Variants in PRICKLE1 observed in about 807,000 individuals in gnomAD.
PRICKLE1 encodes the protein prickle planar cell polarity protein 1, also known as prickle-like protein 1.
Under a neutral mutation model 70.2 loss-of-function variants are expected in PRICKLE1, and 14 were observed. The observed-to-expected ratio is 0.20, with a 90% confidence interval of 0.13 to 0.31. PRICKLE1 has a LOEUF of 0.31. Among genes scored for constraint, PRICKLE1 ranks in the 10% least tolerant of loss-of-function variants. The pLI is 1.00. For missense variants in PRICKLE1, 821 were observed against 1,026.2 expected (o/e 0.80, Z 2.73); for synonymous variants, 357 against 379.9 (o/e 0.94, Z 0.70).
chr12:42,490,680 A>G (rs552656034), intron 1 of PRICKLE1, among the ~76,000 whole-genome samples: 3 of 152,208 alleles, frequency 2.0e-5, no homozygotes, highest in East Asian at 3.9e-4. Context: ...CAGTCTGGGT[A>G]GGGGCAGTGG....
intron 1 of PRICKLE1, among the ~76,000 whole-genome samples, chr12:42,512,941 G>T (rs1359031330): frequency 7.1e-6 from 1 of 140,562 alleles, no homozygotes; most frequent in Non-Finnish European, 1.5e-5. Context: ...AGCCCACTTT[G>T]CCCTAAGGCA....
chr12:42,538,328 T>A (rs1175370705), intron 1 of PRICKLE1, among the ~76,000 whole-genome samples: 2 of 152,128 alleles, frequency 1.3e-5, no homozygotes, highest in Non-Finnish European at 2.9e-5. Flanking sequence ...AAAAAATAGA[T>A]GGTCTCCATC....
At chr12:42,534,405 C>A (rs1939982537) in intron 1 of PRICKLE1, among the ~76,000 whole-genome samples, 1 of 152,100 alleles carries the variant, frequency 6.6e-6, no homozygotes, top group African/African-American at 2.4e-5. Flanking sequence ...TGGGAGGATG[C>A]CAGAGCTATT....
chr12:42,485,096 G>A (rs1244995543), intron 1 of PRICKLE1, among the ~76,000 whole-genome samples: 1 of 151,714 alleles, frequency 6.6e-6, no homozygotes, highest in Non-Finnish European at 1.5e-5. Context: ...AACCTATGTG[G>A]TTCTACAGTA....
chr12:42,575,642 C>G (rs534302019), intron 1 of PRICKLE1, among the ~76,000 whole-genome samples: 2 of 150,990 alleles, frequency 1.3e-5, no homozygotes, highest in African/African-American at 4.9e-5. Context: ...TGCAGTGAGC[C>G]GAGATAGTGC....
At chr12:42,509,901 T>C (rs1006767876) in intron 1 of PRICKLE1, among the ~76,000 whole-genome samples, 9 of 151,562 alleles carry the variant, frequency 5.9e-5, no homozygotes, top group African/African-American at 1.9e-4. Flanking sequence ...GGTGAAACCC[T>C]GTCTCTACTA....
At position 42,518,210 on chromosome 12, in the gene PRICKLE1, AT is replaced by A. The variant is rs200435075; in HGVS notation, c.-48-45647del. ...AGGCATGCACCACCATCCCCAGCTGATTTTTAAAATTTTTGTAGAGATGGGG... is the reference window on the plus strand; with the variant it reads ...AGGCATGCACCACCATCCCCAGCTGATTTTAAAATTTTTGTAGAGATGGGG... On this transcript the variant is annotated intron_variant, in intron 1 of 7. Transcript: ENST00000345127. 7.2e-3 allele frequency among the ~76,000 whole-genome samples: 1,097 copies of A among 151,852 alleles called. 7 individuals are homozygous for A. The highest frequency in any genetic ancestry group is 0.011 in the Non-Finnish European group (770 of 67,936).
At chr12:42,521,332 A>T (rs551958201) in intron 1 of PRICKLE1, among the ~76,000 whole-genome samples, 101 of 152,334 alleles carry the variant, frequency 6.6e-4, no homozygotes, top group African/African-American at 2.4e-3. Context: ...TTTCTTTACT[A>T]ATTATATATT....
At chr12:42,536,902 C>T (rs960476595) in intron 1 of PRICKLE1, among the ~76,000 whole-genome samples, 2 of 152,088 alleles carry the variant, frequency 1.3e-5, no homozygotes, top group Non-Finnish European at 1.5e-5. Context: ...CAAATTTTAT[C>T]CATCTTTGGG....
intron 1 of PRICKLE1, among the ~76,000 whole-genome samples, chr12:42,504,023 C>T (rs1344284511): frequency 6.9e-6 from 1 of 145,020 alleles, no homozygotes. Context: ...CACTTCCTCA[C>T]AAAAATCATA....
intron 1 of PRICKLE1, among the ~76,000 whole-genome samples, chr12:42,502,735 CT>C (rs1939338076): frequency 6.6e-6 from 1 of 152,110 alleles, no homozygotes. Context: ...TCTTAGATGT[CT>C]TTTTTTCTCT....
At chr12:42,472,917 G>C (rs1196462764) in intron 1 of PRICKLE1, among the ~76,000 whole-genome samples, 1 of 152,114 alleles carries the variant, frequency 6.6e-6, no homozygotes, top group African/African-American at 2.4e-5. Context: ...GTGACATACT[G>C]TAAGTTGTAG....
chr12:42,552,924 T>C (rs555330826), intron 1 of PRICKLE1, among the ~76,000 whole-genome samples: 3 of 152,302 alleles, frequency 2.0e-5, no homozygotes. Flanking sequence ...ATCCCTCTCC[T>C]GCGCGGTTCA....
intron 1 of PRICKLE1, among the ~76,000 whole-genome samples, chr12:42,541,368 T>G (rs762946901): frequency 1.3e-5 from 2 of 151,820 alleles, no homozygotes; most frequent in African/African-American, 2.4e-5. Context: ...TGAGACAGGG[T>G]CTTGCTCTGT....
At chr12:42,509,551 G>A (rs1447525492) in intron 1 of PRICKLE1, among the ~76,000 whole-genome samples, 1 of 152,032 alleles carries the variant, frequency 6.6e-6, no homozygotes, top group Non-Finnish European at 1.5e-5. Flanking sequence ...GACTTTGGAG[G>A]ATGGAGAACC....
At chr12:42,542,190 T>A (rs1940129789) in intron 1 of PRICKLE1, among the ~76,000 whole-genome samples, 1 of 151,834 alleles carries the variant, frequency 6.6e-6, no homozygotes, top group Non-Finnish European at 1.5e-5. Context: ...ATGCCAAGAA[T>A]TTTGATATGA....
chr12:42,493,182 A>G (rs1292015678), intron 1 of PRICKLE1, among the ~76,000 whole-genome samples: 1 of 152,206 alleles, frequency 6.6e-6, no homozygotes, highest in Non-Finnish European at 1.5e-5. Flanking sequence ...GGGTAACTAT[A>G]GTCAATAATA....
intron 1 of PRICKLE1, among the ~76,000 whole-genome samples, chr12:42,579,413 T>G (rs1940861129): frequency 1.3e-5 from 2 of 152,236 alleles, no homozygotes; most frequent in African/African-American, 2.4e-5. Context: ...TCTGCAAATA[T>G]TAAGGCTTTA....
At chr12:42,467,051 A>G (rs1245974115) in intron 5 of PRICKLE1, among the ~76,000 whole-genome samples, 1 of 151,708 alleles carries the variant, frequency 6.6e-6, no homozygotes, top group African/African-American at 2.4e-5. Flanking sequence ...CTAATTTGAA[A>G]AACATTTTGG....
Sources: allele counts gnomAD v4.1 joint callset (sites outside exome capture counted in the v4.1 genomes callset), GRCh38; gene constraint gnomAD v4.1.1; transcripts MANE v1.5; gene names NCBI Gene and HGNC (gene_info 2026-07-23, HGNC 2026-07-21).